CFAP97: variants seen among roughly 807,000 people sequenced by gnomAD.
The protein encoded by CFAP97 is cilia- and flagella-associated protein 97.
Under a neutral mutation model 43.1 loss-of-function variants are expected in CFAP97, and 36 were observed. That is an observed-to-expected ratio of 0.84 (90% CI 0.64 to 1.10). CFAP97 has a LOEUF of 1.10. Among genes scored for constraint, CFAP97 ranks in the 50% least tolerant of loss-of-function variants. The probability of loss-of-function intolerance (pLI) is 0.00; values close to 1 mark genes in which losing one functional copy is unlikely to be tolerated. For synonymous variants in CFAP97, 228 were observed against 225.7 expected, an observed-to-expected ratio of 1.01 and a Z score of -0.09; for missense variants, 657 against 620.3, an observed-to-expected ratio of 1.06 and a Z score of -0.63.
chr4:185,192,135 T>C (rs1470288866), intron 1 of CFAP97, among the ~76,000 whole-genome samples: 1 of 152,196 alleles, frequency 6.6e-6, no homozygotes, highest in Non-Finnish European at 1.5e-5. Context: ...AAGGAGATGA[T>C]TCCTGTTAAG....
At chr4:185,198,527 C>T (rs1261574364) in intron 1 of CFAP97, among the ~76,000 whole-genome samples, 2 of 151,714 alleles carry the variant, frequency 1.3e-5, no homozygotes, top group Admixed American at 6.6e-5. Flanking sequence ...TGGTGGCTCA[C>T]GCCTGTAATC....
At chr4:185,185,324 T>A (rs905157980) in intron 2 of CFAP97, among the ~76,000 whole-genome samples, 1 of 152,182 alleles carries the variant, frequency 6.6e-6, no homozygotes, top group East Asian at 1.9e-4. Flanking sequence ...TATATCAAGA[T>A]ATATGTTATT....
chr4:185,182,357 C>G (rs964969542), intron 2 of CFAP97: 1 of 152,052 alleles, frequency 6.6e-6, no homozygotes, highest in Non-Finnish European at 1.5e-5. Flanking sequence ...ATTTACATAG[C>G]AAAGGCAGCT....
upstream of CFAP97, chr4:185,210,008 T>C: frequency 7.1e-6 from 7 of 983,066 alleles, no homozygotes; most frequent in Non-Finnish European, 8.4e-6. This position sits in a 1 kb window ranked among gnomAD's most constrained non-coding sequence, Gnocchi z 4.4. Flanking sequence ...TGGAAGCCCG[T>C]GGCGGTGGCC....
intron 3 of CFAP97, chr4:185,169,485 T>C: frequency 1.8e-6 from 1 of 565,024 alleles, no homozygotes; most frequent in Non-Finnish European, 2.2e-6. Context: ...CTTGCAGAAC[T>C]GTAAGTCAAT....
intron 1 of CFAP97, among the ~76,000 whole-genome samples, chr4:185,194,320 C>A (rs530634855): frequency 6.6e-6 from 1 of 152,288 alleles, no homozygotes; most frequent in Non-Finnish European, 1.5e-5. Flanking sequence ...GAAACTCCTT[C>A]TCTACTAAAA....
At chr4:185,176,121 TTC>T in intron 2 of CFAP97, 70 bp from the exon 3 acceptor site, 1 of 1,258,426 alleles carries the variant, frequency 7.9e-7, no homozygotes, top group Non-Finnish European at 1.1e-6. Context: ...TTTTTTTTTT[TTC>T]TCTTTTTAGA....
intron 3 of CFAP97, among the ~76,000 whole-genome samples, chr4:185,168,253 C>G (rs187078085): frequency 6.5e-4 from 98 of 151,408 alleles, no homozygotes; most frequent in African/African-American, 2.2e-3. Flanking sequence ...AGAACTGCCA[C>G]TCAAATCAGA....
At chr4:185,165,923 C>A (rs912631625) in intron 3 of CFAP97, among the ~76,000 whole-genome samples, 2 of 151,860 alleles carry the variant, frequency 1.3e-5, no homozygotes, top group African/African-American at 2.4e-5. Context: ...AGGGGAAGGG[C>A]CACTTAGAAA....
chr4:185,162,932 A>G lies in CFAP97; in HGVS notation c.1472-7T>C. Reference sequence around the variant, plus strand: ...CTGGATGTCCTGGAAGCTCCTGAAAATATAAAAAGAAGAAATATCTGAGAA... The same window carrying G: ...CTGGATGTCCTGGAAGCTCCTGAAAGTATAAAAAGAAGAAATATCTGAGAA... On this transcript the variant is annotated splice_region_variant and splice_polypyrimidine_tract_variant and intron_variant, in intron 4 of 4. Coordinates refer to ENST00000458385, the MANE Select transcript of CFAP97 (RefSeq NM_020827.3). 6.5e-7 allele frequency: 1 copy of G among 1,540,994 alleles called. No homozygotes were observed. The highest frequency in any genetic ancestry group is 8.7e-7 in the Non-Finnish European group (1 of 1,151,588).
chr4:185,178,854 C>T (rs867456020), intron 2 of CFAP97, among the ~76,000 whole-genome samples: 3 of 152,062 alleles, frequency 2.0e-5, no homozygotes, highest in Admixed American at 6.6e-5. Flanking sequence ...AAATGTCCAG[C>T]GACCCTGTGC....
At chr4:185,193,675 T>C (rs1204646835) in intron 1 of CFAP97, among the ~76,000 whole-genome samples, 1 of 151,924 alleles carries the variant, frequency 6.6e-6, no homozygotes, top group Non-Finnish European at 1.5e-5. Flanking sequence ...TAGCAAAAAA[T>C]GCAATTATGT....
intron 1 of CFAP97, among the ~76,000 whole-genome samples, chr4:185,202,755 G>T (rs532165995): frequency 6.6e-6 from 1 of 152,280 alleles, no homozygotes; most frequent in Admixed American, 6.5e-5. Flanking sequence ...ATAGTCCGGT[G>T]CCTGTGAGAC....
upstream of CFAP97, chr4:185,209,948 C>A (rs1438479743): frequency 2.0e-6 from 2 of 983,504 alleles, no homozygotes; most frequent in South Asian, 9.3e-5. The surrounding 1 kb of genome is among the most constrained non-coding windows in gnomAD (Gnocchi z 5.2). Flanking sequence ...CCGGGGGACG[C>A]GGAGGCAGCA....
chr4:185,175,238 TTC>T lies in CFAP97; in HGVS notation c.1320+546_1320+547del, dbSNP rs10638706. 5.8e-3 allele frequency among the ~76,000 whole-genome samples: 865 copies of T among 149,042 alleles called. 5 individuals are homozygous for T. Among genetic ancestry groups the T allele is most frequent in the African/African-American group, 0.019 (756 of 40,552 alleles). On this transcript the variant is annotated intron_variant, in intron 3 of 4. Coordinates refer to ENST00000458385, the MANE Select transcript of CFAP97 (RefSeq NM_020827.3). ...TCAGTATTTTCCTTTAATGGTCTCCTTCTCTCTCTCTCTCTCTCTCTCTTTTT... is the reference window on the plus strand; with the variant it reads ...TCAGTATTTTCCTTTAATGGTCTCCTTCTCTCTCTCTCTCTCTCTCTTTTT...
rs181956803 is a variant in CFAP97 at position 185,190,435 on chromosome 4, G to A, written c.762C>T (p.Asp254=). 448 of 1,613,694 alleles carry A rather than the reference G, an allele frequency of 2.8e-4. No individual in the cohort carries two copies. In the African/African-American group the frequency reaches 4.2e-3, roughly 15 times the overall value. ...TGTCTGGAGTTGATAAGGGACTTAC[G>A]TCAGTCACAGTATCTTCAGACTCCT... ...YPEESEDTVT[D]VSPLSTPDIS... Residue 254 remains aspartate, a synonymous_variant, in exon 2 of 5, where the codon GAC becomes GAT. Transcript: ENST00000458385.
chr4:185,198,868 C>T (rs922706205), intron 1 of CFAP97, among the ~76,000 whole-genome samples: 1 of 152,076 alleles, frequency 6.6e-6, no homozygotes, highest in Admixed American at 6.6e-5. Flanking sequence ...AAGAGAATTG[C>T]TGAATGTGAC....
chr4:185,199,668 C>CA (rs1346458711), intron 1 of CFAP97, among the ~76,000 whole-genome samples: 6 of 150,058 alleles, frequency 4.0e-5, no homozygotes, highest in South Asian at 4.2e-4. Flanking sequence ...AGACTCTGTC[C>CA]AAAAAAAACA....
At chr4:185,200,168 G>A (rs1005062145) in intron 1 of CFAP97, among the ~76,000 whole-genome samples, 1 of 152,214 alleles carries the variant, frequency 6.6e-6, no homozygotes, top group East Asian at 1.9e-4. Context: ...ATAACTTTAA[G>A]GGATTTAAGA....
Sources: gnomAD v4.1 joint callset for allele counts (sites outside exome capture counted in the v4.1 genomes callset) on GRCh38, gnomAD v4.1.1 for gene constraint, Gnocchi (gnomAD v3.1) non-coding constraint, MANE v1.5 for transcripts, NCBI Gene and HGNC (gene_info 2026-07-23, HGNC 2026-07-21) for gene names.